HERC3: variants seen among roughly 807,000 people sequenced by gnomAD.
HERC3 encodes probable E3 ubiquitin-protein ligase HERC3.
HERC3 carries 58 observed loss-of-function variants against 129.9 expected under a neutral mutation model. The observed-to-expected ratio is 0.45, with a 90% CI of 0.36 to 0.56. HERC3 has a LOEUF of 0.56. Ranked by LOEUF, HERC3 falls within the 20% of genes least tolerant of loss-of-function variation. HERC3 has a pLI of 0.00. For missense variants in HERC3, 835 were observed against 1,244.2 expected, an observed-to-expected ratio of 0.67 and a Z score of 4.95; for synonymous variants, 430 against 451.0, an observed-to-expected ratio of 0.95 and a Z score of 0.59.
intron 2 of HERC3, among the ~76,000 whole-genome samples, chr4:88,603,032 A>G (rs1234017883): frequency 2.0e-5 from 3 of 152,004 alleles, no homozygotes; most frequent in African/African-American, 7.3e-5. Context: ...CTTAACTTTG[A>G]TAGAAGGTTT....
chr4:88,589,269 G>C (rs1721603153), upstream of HERC3, among the ~76,000 whole-genome samples: 2 of 152,060 alleles, frequency 1.3e-5, no homozygotes, highest in Non-Finnish European at 2.9e-5. Flanking sequence ...TTTTTGGAGA[G>C]ACAGGGACTC....
chr4:88,643,103 C>T (rs1728305812), intron 3 of HERC3, among the ~76,000 whole-genome samples: 1 of 152,076 alleles, frequency 6.6e-6, no homozygotes, highest in Non-Finnish European at 1.5e-5. Flanking sequence ...TAACGATATG[C>T]AATTGGAAAC....
chr4:88,558,011 C>T, the HERC3 span, among the ~76,000 whole-genome samples: 21 of 132,848 alleles, frequency 1.6e-4, no homozygotes, highest in African/African-American at 5.3e-4. Flanking sequence ...GCGGAGGTTG[C>T]GGTGAGTCGA....
At chr4:88,601,442 T>C (rs367898923) in intron 2 of HERC3, among the ~76,000 whole-genome samples, 2 of 152,236 alleles carry the variant, frequency 1.3e-5, no homozygotes, top group East Asian at 3.8e-4. Context: ...AAAGAGTTTG[T>C]CATTTTAAAA....
At chr4:88,632,108 T>C (rs1726838993) in intron 3 of HERC3, among the ~76,000 whole-genome samples, 1 of 152,210 alleles carries the variant, frequency 6.6e-6, no homozygotes, top group African/African-American at 2.4e-5. Context: ...CTGGAAGTAT[T>C]TGGGAGATCA....
the HERC3 span, among the ~76,000 whole-genome samples, chr4:88,550,254 A>G: frequency 7.2e-5 from 11 of 152,284 alleles, no homozygotes; most frequent in African/African-American, 2.6e-4. Context: ...CACCACTCCT[A>G]TTCAACATAG....
chr4:88,686,065 T>G (rs1322479207), intron 21 of HERC3, among the ~76,000 whole-genome samples: 1 of 152,308 alleles, frequency 6.6e-6, no homozygotes, highest in Non-Finnish European at 1.5e-5. Context: ...ATAATGTATT[T>G]TTATGGACAC....
intron 3 of HERC3, among the ~76,000 whole-genome samples, chr4:88,619,058 C>T (rs10028621): frequency 0.082 from 12,446 of 152,136 alleles, 729 homozygotes; most frequent in South Asian, 0.23. Context: ...CCAGAGACTT[C>T]AGAATTTATT....
chr4:88,628,786 A>G (rs1373784355), intron 3 of HERC3, among the ~76,000 whole-genome samples: 3 of 152,210 alleles, frequency 2.0e-5, no homozygotes, highest in Non-Finnish European at 2.9e-5. Flanking sequence ...AGGCTTGGGA[A>G]TGACCTCTTA....
At chr4:88,604,234 G>T (rs1463027672) in intron 2 of HERC3, among the ~76,000 whole-genome samples, 2 of 152,180 alleles carry the variant, frequency 1.3e-5, no homozygotes. Flanking sequence ...GGTCAGGCTG[G>T]TGTGGAACTC....
At chr4:88,598,987 G>C (rs536663633) in intron 2 of HERC3, among the ~76,000 whole-genome samples, 3 of 152,266 alleles carry the variant, frequency 2.0e-5, no homozygotes, top group African/African-American at 7.2e-5. Flanking sequence ...ATTTTGCAGC[G>C]AATTTCATAA....
At chr4:88,630,706 T>C (rs1487508359) in intron 3 of HERC3, among the ~76,000 whole-genome samples, 1 of 152,248 alleles carries the variant, frequency 6.6e-6, no homozygotes, top group Non-Finnish European at 1.5e-5. Context: ...GGAGGATTTA[T>C]GCATTTAACT....
At chr4:88,649,742 T>G in intron 3 of HERC3, 98 bp from the exon 4 acceptor site, 1 of 988,510 alleles carries the variant, frequency 1.0e-6, no homozygotes, top group Non-Finnish European at 1.5e-6. Context: ...TGGTTCTTGT[T>G]AAAAAATAAA....
intron 3 of HERC3, among the ~76,000 whole-genome samples, chr4:88,644,230 T>C: frequency 6.6e-6 from 1 of 152,182 alleles, no homozygotes; most frequent in Non-Finnish European, 1.5e-5. Flanking sequence ...GTTTTTTCTT[T>C]CTTTTTTTTA....
At chr4:88,657,023 A>G (rs1201090025) in intron 9 of HERC3, 1 of 152,034 alleles carries the variant, frequency 6.6e-6, no homozygotes, top group Non-Finnish European at 1.5e-5. Context: ...AAATAGTTAA[A>G]TAGCAGTCTT....
chr4:88,622,147 C>T (rs1725589536), intron 3 of HERC3, among the ~76,000 whole-genome samples: 1 of 152,204 alleles, frequency 6.6e-6, no homozygotes, highest in African/African-American at 2.4e-5. Flanking sequence ...AGTCACTTAC[C>T]TTTCCCCTTC....
the HERC3 span, among the ~76,000 whole-genome samples, chr4:88,538,549 T>C: frequency 6.7e-6 from 1 of 149,782 alleles, no homozygotes; most frequent in African/African-American, 2.4e-5. Context: ...TTTCCTCTTT[T>C]TTTTTTTTTT....
chr4:88,701,645 C>T (rs188715923), intron 23 of HERC3, among the ~76,000 whole-genome samples: 5 of 152,210 alleles, frequency 3.3e-5, no homozygotes, highest in African/African-American at 1.2e-4. Context: ...TACCGCTGTA[C>T]ATACCCTTAA....
chr4:88,549,249 AT>A, the HERC3 span, among the ~76,000 whole-genome samples: 2 of 151,944 alleles, frequency 1.3e-5, no homozygotes, highest in Non-Finnish European at 2.9e-5. Flanking sequence ...TGAGTGTTTA[AT>A]TTTAATAACT....
Sources: allele counts gnomAD v4.1 joint callset (sites outside exome capture counted in the v4.1 genomes callset), GRCh38; gene constraint gnomAD v4.1.1; transcripts MANE v1.5; gene names NCBI Gene and HGNC (gene_info 2026-07-23, HGNC 2026-07-21).